STIM2: variants seen among roughly 807,000 people sequenced by gnomAD.
The protein encoded by STIM2 is stromal interaction molecule 2.
A neutral mutation model predicts 85.8 loss-of-function variants in STIM2; 31 were observed. The observed-to-expected ratio is 0.36, with a 90% CI of 0.27 to 0.49. The LOEUF (loss-of-function observed/expected upper bound fraction) is 0.49, where lower values mean the gene tolerates loss of function less well. Among genes scored for constraint, STIM2 ranks in the 20% least tolerant of loss-of-function variants. The pLI is 0.98. For synonymous variants in STIM2, 356 were observed against 331.1 expected (o/e 1.08, Z -0.82); for missense variants, 841 against 927.6 (o/e 0.91, Z 1.21).
At chr4:26,916,533 G>T (rs1158538351) in intron 1 of STIM2, among the ~76,000 whole-genome samples, 1 of 152,154 alleles carries the variant, frequency 6.6e-6, no homozygotes, top group South Asian at 2.1e-4. Context: ...GATTTTAAAT[G>T]AATCTGATTG....
chr4:26,957,863 A>G (rs561672368), intron 3 of STIM2, 137 bp downstream of exon 3: 38 of 567,722 alleles, frequency 6.7e-5, no homozygotes, highest in Admixed American at 1.2e-4. Context: ...ATTTTAGTAA[A>G]TAATTTTCCC....
intron 2 of STIM2, among the ~76,000 whole-genome samples, chr4:26,948,792 T>A (rs1028102025): frequency 1.3e-5 from 2 of 152,006 alleles, no homozygotes; most frequent in Non-Finnish European, 2.9e-5. Flanking sequence ...TTTTTTTTTT[T>A]AAAGGAAATT....
intron 2 of STIM2, among the ~76,000 whole-genome samples, chr4:26,940,686 A>G (rs553576334): frequency 2.6e-5 from 4 of 152,104 alleles, no homozygotes; most frequent in Non-Finnish European, 5.9e-5. Context: ...GCCATTGCTT[A>G]TCTTTTCCTT....
intron 10 of STIM2, among the ~76,000 whole-genome samples, chr4:27,010,126 CAA>C (rs966025839): frequency 3.9e-5 from 6 of 152,018 alleles, no homozygotes; most frequent in African/African-American, 1.4e-4. Flanking sequence ...GAAAAAAGTA[CAA>C]GAGTTGATTT....
At chr4:26,955,873 G>A (rs377691073) in intron 2 of STIM2, among the ~76,000 whole-genome samples, 9 of 152,260 alleles carry the variant, frequency 5.9e-5, no homozygotes, top group African/African-American at 2.2e-4. Context: ...CAACAGTGTT[G>A]TTGATCCTAG....
At chr4:26,990,305 A>G (rs1727720662) in intron 3 of STIM2, among the ~76,000 whole-genome samples, 1 of 152,144 alleles carries the variant, frequency 6.6e-6, no homozygotes, top group Non-Finnish European at 1.5e-5. Context: ...AAATCCATAC[A>G]CTTTTAGCCA....
intron 1 of STIM2, among the ~76,000 whole-genome samples, chr4:26,900,874 G>A (rs1380655182): frequency 6.6e-6 from 1 of 152,168 alleles, no homozygotes; most frequent in African/African-American, 2.4e-5. Flanking sequence ...TGTCACTGCT[G>A]TAGCTTACTG....
In STIM2 at chr4:27,017,973, T is replaced by G; in HGVS notation, c.1752T>G (p.Ala584=). The G allele has an allele frequency of 6.2e-7, 1 of 1,614,014 alleles. No homozygotes were observed. The highest frequency in any genetic ancestry group is 8.5e-7 in the Non-Finnish European group (1 of 1,179,990). Residue 584 remains alanine, a synonymous_variant, in exon 11 of 12, where the codon GCT becomes GCG. Coordinates refer to ENST00000467087, the MANE Select transcript of STIM2 (RefSeq NM_020860.4). The stretch of plus-strand genomic sequence containing the variant: ...AGGAAGAGGCCATTTACTTCTCTGC[T>G]GAAAAGCAATGGTATTGGCAGTGAA...
chr4:27,004,771 G>A (rs1012413477), intron 7 of STIM2, among the ~76,000 whole-genome samples: 30 of 152,054 alleles, frequency 2.0e-4, no homozygotes, highest in Non-Finnish European at 4.3e-4. Flanking sequence ...AATAAAAGGC[G>A]GTTTAAAGGA....
intron 1 of STIM2, among the ~76,000 whole-genome samples, chr4:26,903,148 C>G (rs1034308416): frequency 6.6e-6 from 1 of 152,084 alleles, no homozygotes; most frequent in Admixed American, 6.6e-5. Flanking sequence ...GGCCTTACCT[C>G]ATTAACACAG....
chr4:27,023,179 T>C lies in STIM2; in HGVS notation c.*183T>C. The C allele has an allele frequency of 1.6e-6, 1 of 617,058 alleles. No individual in the cohort carries two copies. Among genetic ancestry groups the C allele is most frequent in the Non-Finnish European group, 2.9e-6 (1 of 349,762 alleles). The allele number at this position is 617,058 out of a possible 1,614,324, so 38.2% of individuals were successfully genotyped here. A position where few individuals can be genotyped will look rare whatever the true frequency, so the allele number is the denominator to read the frequency against. The stretch of plus-strand genomic sequence containing the variant: ...TCTACTGTCTGCTTATTTAAGTGAC[T>C]ATATATAATCAATTCATCAAGCCAG... On this transcript the variant is annotated 3_prime_UTR_variant, in exon 12 of 12. Coordinates refer to ENST00000467087, the MANE Select transcript of STIM2 (RefSeq NM_020860.4).
At chr4:26,916,281 A>G (rs146076284) in intron 1 of STIM2, among the ~76,000 whole-genome samples, 4 of 152,328 alleles carry the variant, frequency 2.6e-5, no homozygotes, top group Admixed American at 2.6e-4. Flanking sequence ...ATGTGAAGAA[A>G]TGGATCACTG....
In STIM2 at chr4:26,885,855, A is replaced by ATG. The variant is rs1283269816; in HGVS notation, c.151+24487_151+24488insGT. On this transcript the variant is annotated intron_variant, in intron 1 of 11. Coordinates refer to ENST00000467087, the MANE Select transcript of STIM2 (RefSeq NM_020860.4). ...TATATATATATATATATATATATAT[A>ATG]TATATATATATATATATATGTATAT... is the stretch of plus-strand genomic sequence containing the variant. 4.0e-4 allele frequency among the ~76,000 whole-genome samples: 44 copies of ATG among 111,238 alleles called. 1 individual carries two copies. Among genetic ancestry groups the ATG allele is most frequent in the South Asian group, 1.1e-3 (4 of 3,676 alleles). 73.0% of individuals were successfully genotyped at this position (111,238 alleles called of 152,430 possible).
At position 27,017,688 on chromosome 4, in the gene STIM2, GTTTC is replaced by G; in HGVS notation, c.1490-16_1490-13del. ...AGGGAACCCTGGACTTCATGAGCAT[GTTTC>G]TTTCTTGGTGTTTTTCAGGGACCAT... On this transcript the variant is annotated intron_variant, in intron 10 of 11. Coordinates refer to ENST00000467087, the MANE Select transcript of STIM2 (RefSeq NM_020860.4). The G allele has an allele frequency of 6.2e-7, 1 of 1,611,568 alleles. No homozygotes were observed. The highest frequency in any genetic ancestry group is 1.1e-5 in the South Asian group (1 of 91,022).
chr4:26,932,637 C>T (rs923476232), intron 2 of STIM2, among the ~76,000 whole-genome samples: 22 of 152,042 alleles, frequency 1.4e-4, no homozygotes, highest in African/African-American at 4.1e-4. Context: ...GTTTGTTTAA[C>T]GAATGAATAT....
intron 3 of STIM2, among the ~76,000 whole-genome samples, chr4:26,968,249 C>A (rs1726808626): frequency 6.6e-6 from 1 of 152,152 alleles, no homozygotes; most frequent in South Asian, 2.1e-4. Context: ...CTCACACACA[C>A]ACACTCAAAT....
At chr4:26,943,849 C>T (rs1725713184) in intron 2 of STIM2, among the ~76,000 whole-genome samples, 1 of 152,030 alleles carries the variant, frequency 6.6e-6, no homozygotes, top group Non-Finnish European at 1.5e-5. Flanking sequence ...TGTAGTCACA[C>T]TGAAAATTTT....
intron 10 of STIM2, among the ~76,000 whole-genome samples, chr4:27,016,743 C>T (rs1408340739): frequency 6.6e-6 from 1 of 152,172 alleles, no homozygotes; most frequent in East Asian, 1.9e-4. Context: ...CAATACCTAA[C>T]GTGGGCCCAA....
intron 3 of STIM2, among the ~76,000 whole-genome samples, chr4:26,992,484 G>A (rs906914920): frequency 6.6e-6 from 1 of 152,004 alleles, no homozygotes; most frequent in African/African-American, 2.4e-5. Flanking sequence ...AGAGGCAGAG[G>A]AGTTCAAGAG....
Sources: gnomAD v4.1 joint callset for allele counts (sites outside exome capture counted in the v4.1 genomes callset) on GRCh38, gnomAD v4.1.1 for gene constraint, MANE v1.5 for transcripts, NCBI Gene and HGNC (gene_info 2026-07-23, HGNC 2026-07-21) for gene names.